Variants in SATB2 observed in about 807,000 individuals in gnomAD.
SATB2 encodes DNA-binding protein SATB2.
In SATB2, 1 loss-of-function variant was observed where a neutral mutation model predicts 73.4. The ratio of observed to expected loss-of-function variants is 0.01; its 90% CI spans 0.00 to 0.06. The LOEUF is 0.06. SATB2 is among the 10% of genes least tolerant of loss of function. The pLI, the probability that SATB2 is intolerant of heterozygous loss-of-function variation, is 1.00. For synonymous variants in SATB2, 397 were observed against 367.0 expected (o/e 1.08, Z -0.93); for missense variants, 459 against 945.8 (o/e 0.49, Z 6.75).
intron 3 of SATB2, among the ~76,000 whole-genome samples, chr2:199,407,010 T>C (rs1042750233): frequency 1.3e-5 from 2 of 152,110 alleles, no homozygotes; most frequent in Non-Finnish European, 2.9e-5. Flanking sequence ...GGTTCTTATC[T>C]TATTTTACAC....
chr2:199,307,660 AC>A (rs1488589894), intron 10 of SATB2, among the ~76,000 whole-genome samples: 1 of 152,180 alleles, frequency 6.6e-6, no homozygotes, highest in African/African-American at 2.4e-5. Flanking sequence ...AAAGCATAGC[AC>A]AAAAGCACTG....
chr2:199,430,487 A>C (rs887664488), intron 3 of SATB2, among the ~76,000 whole-genome samples: 3 of 152,212 alleles, frequency 2.0e-5, no homozygotes, highest in African/African-American at 7.2e-5. Context: ...CAGAGTTAAC[A>C]GAATGTGTGT....
At chr2:199,276,506 C>T (rs1417902931) in intron 10 of SATB2, among the ~76,000 whole-genome samples, 2 of 152,064 alleles carry the variant, frequency 1.3e-5, no homozygotes, top group Admixed American at 1.3e-4. Context: ...GACCTATAAG[C>T]GGTTTCATTC....
chr2:199,324,991 C>T (rs1687991053), intron 8 of SATB2, among the ~76,000 whole-genome samples: 1 of 152,168 alleles, frequency 6.6e-6, no homozygotes, highest in Non-Finnish European at 1.5e-5. Context: ...GAGCTGTTCT[C>T]TACTGGATCC....
rs200882714 is a variant in SATB2, at chr2:199,381,662, G to C, written c.473+32C>G. ...TATGATTGACGGAGCAGCTCTGACAGTAAGGAAAAGCAGATGTTCAGAAAC... is the reference window on the plus strand; with the variant it reads ...TATGATTGACGGAGCAGCTCTGACACTAAGGAAAAGCAGATGTTCAGAAAC... On this transcript the variant is annotated intron_variant, in intron 4 of 10. Transcript: ENST00000417098. The C allele has an allele frequency of 4.5e-5, 72 of 1,613,400 alleles. No individual in the cohort carries two copies. In the African/African-American group the frequency reaches 8.3e-4, roughly 19 times the overall value.
rs571885159 is a variant in SATB2, at chr2:199,365,186, CT to C, written c.700+3418del. 7.7e-4 allele frequency among the ~76,000 whole-genome samples: 117 copies of C among 151,588 alleles called. 2 individuals are homozygous for C. Among genetic ancestry groups the C allele is most frequent in the African/African-American group, 2.8e-3 (114 of 41,374 alleles). On this transcript the variant is annotated intron_variant, in intron 6 of 10. Transcript: ENST00000417098. ...ACATTAAACAACTATTAATATTGGT[CT>C]TTTTTCTTTGCTTTTAGATAAAATG...
intron 3 of SATB2, among the ~76,000 whole-genome samples, chr2:199,400,908 G>A (rs978707432): frequency 2.0e-5 from 3 of 152,106 alleles, no homozygotes; most frequent in Non-Finnish European, 4.4e-5. Flanking sequence ...ACCTACATTG[G>A]TTATATTTTA....
intron 2 of SATB2, among the ~76,000 whole-genome samples, chr2:199,450,384 T>C (rs569117408): frequency 1.3e-5 from 2 of 152,272 alleles, no homozygotes; most frequent in Admixed American, 6.5e-5. Context: ...TCAGTATTCA[T>C]GTAAGGAAGA....
At chr2:199,284,863 T>C (rs1692638267) in intron 10 of SATB2, among the ~76,000 whole-genome samples, 1 of 152,102 alleles carries the variant, frequency 6.6e-6, no homozygotes, top group Non-Finnish European at 1.5e-5. Flanking sequence ...CAATATAGTA[T>C]AATAACTATT....
chr2:199,281,888 T>C (rs1265183885), intron 10 of SATB2, among the ~76,000 whole-genome samples: 1 of 151,312 alleles, frequency 6.6e-6, no homozygotes, highest in African/African-American at 2.4e-5. Flanking sequence ...CTCTCTTTTT[T>C]TTTTTTTTTT....
At chr2:199,287,239 T>C (rs1043614084) in intron 10 of SATB2, among the ~76,000 whole-genome samples, 3 of 152,178 alleles carry the variant, frequency 2.0e-5, no homozygotes, top group Non-Finnish European at 2.9e-5. Context: ...TAAAACAGAT[T>C]CAAGGTAAGC....
Position 199,341,319 on chromosome 2 carries a change from C to T in SATB2, c.1173+7382G>A, listed in dbSNP as rs186982517. 9.9e-4 allele frequency among the ~76,000 whole-genome samples: 150 copies of T among 152,190 alleles called. 1 individual carries two copies. The highest frequency in any genetic ancestry group is 3.3e-3 in the African/African-American group (138 of 41,536). On this transcript the variant is annotated intron_variant, in intron 7 of 10. Transcript: ENST00000417098. ...GAACGAATATGGAAAAAAAAGGAAA[C>T]CTGATACAGCTGCTTATTCCCACAG...
In SATB2 at chr2:199,368,619, T is replaced by C; in HGVS notation, c.686A>G (p.Tyr229Cys). The change falls in exon 6 of 11, where the codon TAC becomes TGC. Residue 229 changes from tyrosine (Y) to cysteine (C), a missense_variant. Physicochemically the swap from Tyr to Cys is radical, Grantham distance 194 (BLOSUM62 -2). Around this residue, in one of 13 missense-constraint regions of SATB2, gnomAD observed 77 missense variants for 90.4 expected, o/e 0.85. Transcript: ENST00000417098. Reference sequence around the variant, plus strand: ...AGTCAGTTTACCTTTAATCTTCTTGTACTTTTTATACCATCTCCCAAACTC... The same window carrying C: ...AGTCAGTTTACCTTTAATCTTCTTGCACTTTTTATACCATCTCCCAAACTC... ...CQEFGRWYKK[Y>C]KKIKVERVER... 6.2e-7 allele frequency: 1 copy of C among 1,600,324 alleles called. No homozygotes were observed. The highest frequency in any genetic ancestry group is 8.6e-7 in the Non-Finnish European group (1 of 1,167,740).
chr2:199,293,134 G>A (rs1692921636), intron 10 of SATB2, among the ~76,000 whole-genome samples: 1 of 152,134 alleles, frequency 6.6e-6, no homozygotes, highest in Admixed American at 6.5e-5. Flanking sequence ...TTTTGATGCA[G>A]GTGAATGGCT....
chr2:199,415,598 T>G (rs1690953993), intron 3 of SATB2, among the ~76,000 whole-genome samples: 1 of 152,252 alleles, frequency 6.6e-6, no homozygotes, highest in Non-Finnish European at 1.5e-5. Context: ...GCAGATGAGC[T>G]ATTTAATTTG....
intron 10 of SATB2, among the ~76,000 whole-genome samples, chr2:199,299,108 C>T (rs751467691): frequency 5.3e-5 from 8 of 152,148 alleles, no homozygotes; most frequent in Non-Finnish European, 1.2e-4. Flanking sequence ...AGGTTGCTAA[C>T]TTGGAGAAGT....
chr2:199,366,915 CACACACAA>C (rs1374548796), intron 6 of SATB2, among the ~76,000 whole-genome samples: 3 of 151,648 alleles, frequency 2.0e-5, no homozygotes, highest in Non-Finnish European at 4.4e-5. Flanking sequence ...CACACACACA[CACACACAA>C]ACACACACAC....
chr2:199,331,190 A>C (rs1272138797), intron 7 of SATB2, among the ~76,000 whole-genome samples: 2 of 147,342 alleles, frequency 1.4e-5, no homozygotes, highest in East Asian at 4.0e-4. Flanking sequence ...AAATTTTAAA[A>C]CACAGAGTGT....
chr2:199,312,257 G>A (rs2105774223), intron 9 of SATB2, among the ~76,000 whole-genome samples: 1 of 152,274 alleles, frequency 6.6e-6, no homozygotes, highest in East Asian at 1.9e-4. Flanking sequence ...CAGAAATGCT[G>A]ATACAGAAGT....
Sources: gnomAD v4.1 joint callset for allele counts (sites outside exome capture counted in the v4.1 genomes callset) on GRCh38, gnomAD v4.1.1 for gene constraint, gnomAD v4.1.1 regional missense constraint, MANE v1.5 for transcripts, NCBI Gene and HGNC (gene_info 2026-07-23, HGNC 2026-07-21) for gene names.